Variants in SLIT3 observed in about 807,000 individuals in gnomAD.
SLIT3 encodes slit guidance ligand 3.
A neutral mutation model predicts 184.0 loss-of-function variants in SLIT3; 68 were observed. The observed-to-expected ratio is 0.37, with a 90% confidence interval of 0.30 to 0.45. The LOEUF (loss-of-function observed/expected upper bound fraction) is 0.45, where lower values mean the gene tolerates loss of function less well. SLIT3 is among the 20% of genes least tolerant of loss of function. SLIT3 has a pLI of 1.00. For missense variants in SLIT3, 1,707 were observed against 2,026.0 expected, an observed-to-expected ratio of 0.84 and a Z score of 3.02; for synonymous variants, 831 against 828.6, an observed-to-expected ratio of 1.00 and a Z score of -0.05.
Position 168,806,526 on chromosome 5 carries a change from C to A in SLIT3, c.855G>T (p.Thr285=). 5 of 1,614,154 alleles carry A rather than the reference C, an allele frequency of 3.1e-6. No individual in the cohort carries two copies. Among genetic ancestry groups the A allele is most frequent in the Non-Finnish European group, 4.2e-6 (5 of 1,180,016 alleles). The stretch of plus-strand genomic sequence containing the variant: ...GACAGTCCACGATGTTATTGCTGCA[C>A]GTGCAGGGCGAAGGGCAGGAGATGG... The part of the protein sequence containing the change: ...ANSISCPSPC[T]CSNNIVDCRG... The change falls in exon 9 of 36, where the codon ACG becomes ACT. Residue 285 remains threonine, a synonymous_variant. Coordinates refer to ENST00000519560, the MANE Select transcript of SLIT3 (RefSeq NM_003062.4).
intron 14 of SLIT3, among the ~76,000 whole-genome samples, chr5:168,765,465 C>A (rs969949604): frequency 1.2e-4 from 18 of 152,108 alleles, no homozygotes; most frequent in African/African-American, 4.1e-4. Context: ...ATGTTAATAA[C>A]GGCGTATGTA....
chr5:168,915,379 A>G (rs1278541005), intron 4 of SLIT3, among the ~76,000 whole-genome samples: 2 of 152,156 alleles, frequency 1.3e-5, no homozygotes, highest in East Asian at 3.9e-4. Flanking sequence ...AAGCGACTTT[A>G]CAATAGAGCA....
At chr5:169,006,171 A>G (rs1341924256) in intron 4 of SLIT3, among the ~76,000 whole-genome samples, 1 of 152,222 alleles carries the variant, frequency 6.6e-6, no homozygotes, top group Non-Finnish European at 1.5e-5. Context: ...TCTTACTGTA[A>G]TTCAGGGCCT....
chr5:169,258,733 T>C (rs1280345103), intron 1 of SLIT3, among the ~76,000 whole-genome samples: 1 of 152,158 alleles, frequency 6.6e-6, no homozygotes, highest in Non-Finnish European at 1.5e-5. Context: ...AAAAATGACA[T>C]TTTCTAGGTC....
chr5:169,274,339 G>A (rs561789412), intron 1 of SLIT3, among the ~76,000 whole-genome samples: 4 of 152,244 alleles, frequency 2.6e-5, no homozygotes, highest in Non-Finnish European at 4.4e-5. Flanking sequence ...CTTACATTTC[G>A]GGACAATGAA....
intron 8 of SLIT3, among the ~76,000 whole-genome samples, chr5:168,811,079 T>C (rs956531483): frequency 1.3e-5 from 2 of 152,040 alleles, no homozygotes; most frequent in African/African-American, 4.8e-5. Flanking sequence ...AGGTCCTAAC[T>C]TGCCTGCTGA....
chr5:169,158,742 G>A (rs1033338309), intron 4 of SLIT3, among the ~76,000 whole-genome samples: 6 of 152,052 alleles, frequency 3.9e-5, no homozygotes, highest in Admixed American at 3.3e-4. Flanking sequence ...CTAGTAAATT[G>A]TCAACACCAG....
At chr5:169,233,027 CATAT>C (rs138919749) in intron 3 of SLIT3, among the ~76,000 whole-genome samples, 505 of 152,150 alleles carry the variant, frequency 3.3e-3, no homozygotes, top group African/African-American at 0.011. Context: ...TATATATACA[CATAT>C]ATATATTTAT....
chr5:168,774,976 T>C (rs948036221), intron 12 of SLIT3, among the ~76,000 whole-genome samples: 3 of 151,610 alleles, frequency 2.0e-5, no homozygotes, highest in African/African-American at 7.3e-5. Flanking sequence ...CCTTGGCCCT[T>C]TCGCCAACCT....
intron 7 of SLIT3, among the ~76,000 whole-genome samples, chr5:168,817,710 C>A (rs1056739298): frequency 1.2e-4 from 18 of 152,174 alleles, no homozygotes; most frequent in African/African-American, 3.9e-4. Context: ...GCAAGTCCAC[C>A]CTCTTTTCTT....
intron 4 of SLIT3, among the ~76,000 whole-genome samples, chr5:168,996,614 G>A (rs879658685): frequency 2.0e-5 from 3 of 152,132 alleles, no homozygotes; most frequent in Admixed American, 6.5e-5. Context: ...TATTGATTTC[G>A]ATCCCCAACA....
chr5:169,205,788 T>C (rs986523835), intron 3 of SLIT3, among the ~76,000 whole-genome samples: 5 of 152,232 alleles, frequency 3.3e-5, no homozygotes, highest in South Asian at 2.1e-4. Context: ...AGTATTTCAT[T>C]AGGCACCTTC....
intron 4 of SLIT3, among the ~76,000 whole-genome samples, chr5:169,165,139 G>T (rs1234281967): frequency 6.6e-6 from 1 of 152,244 alleles, no homozygotes; most frequent in Non-Finnish European, 1.5e-5. Context: ...TGCTAGGGGA[G>T]GGGGTAACTA....
intron 4 of SLIT3, among the ~76,000 whole-genome samples, chr5:169,177,175 G>C (rs1006864926): frequency 5.9e-5 from 9 of 152,196 alleles, no homozygotes; most frequent in African/African-American, 1.9e-4. Flanking sequence ...GGCAAATGCA[G>C]TAGCTCTGAG....
At chr5:168,861,611 T>C (rs976068439) in intron 5 of SLIT3, among the ~76,000 whole-genome samples, 5 of 152,340 alleles carry the variant, frequency 3.3e-5, no homozygotes, top group African/African-American at 9.6e-5. Context: ...TTGGCTTGAC[T>C]GTCTACCAAG....
intron 34 of SLIT3, among the ~76,000 whole-genome samples, chr5:168,670,623 T>G (rs900452181): frequency 6.6e-6 from 1 of 152,226 alleles, no homozygotes; most frequent in Admixed American, 6.5e-5. Flanking sequence ...AAACCCTGTA[T>G]AGCTGTCCCT....
At chr5:169,246,174 C>G (rs1053394086) in intron 2 of SLIT3, among the ~76,000 whole-genome samples, 2 of 152,188 alleles carry the variant, frequency 1.3e-5, no homozygotes, top group African/African-American at 4.8e-5. Context: ...CAAATCAGCT[C>G]TCACATTTCC....
intron 3 of SLIT3, among the ~76,000 whole-genome samples, chr5:169,210,270 A>G (rs1242317667): frequency 6.6e-6 from 1 of 152,232 alleles, no homozygotes; most frequent in African/African-American, 2.4e-5. Context: ...GCGGGTTCCA[A>G]AATGCAGTTG....
intron 4 of SLIT3, among the ~76,000 whole-genome samples, chr5:169,185,469 T>C (rs968960153): frequency 2.0e-5 from 3 of 152,238 alleles, no homozygotes; most frequent in Admixed American, 2.0e-4. Flanking sequence ...ACCAGCCTGA[T>C]GGATTGGTTT....
Sources: allele counts gnomAD v4.1 joint callset (sites outside exome capture counted in the v4.1 genomes callset), GRCh38; gene constraint gnomAD v4.1.1; transcripts MANE v1.5; gene names NCBI Gene and HGNC (gene_info 2026-07-23, HGNC 2026-07-21).